The following ZNF420 variants were observed in gnomAD, a reference collection of about 807,000 sequenced individuals.
The protein encoded by ZNF420 is ATM and p53-associated KZNF protein.
ZNF420 carries 31 observed loss-of-function variants against 44.7 expected under a neutral mutation model. That is an observed-to-expected ratio of 0.69 (90% confidence interval 0.52 to 0.94). The LOEUF is 0.94. Among genes scored for constraint, ZNF420 ranks in the 40% least tolerant of loss-of-function variants. The pLI is 0.00. For missense variants in ZNF420, 681 were observed against 827.9 expected, an observed-to-expected ratio of 0.82 and a Z score of 2.18; for synonymous variants, 245 against 267.4, an observed-to-expected ratio of 0.92 and a Z score of 0.82.
intron 1 of ZNF420, among the ~76,000 whole-genome samples, chr19:37,015,180 T>G (rs2074600711): frequency 6.6e-6 from 1 of 152,224 alleles, no homozygotes; most frequent in African/African-American, 2.4e-5. Context: ...GAAACAAATG[T>G]GACTCGTGCG....
At chr19:37,121,288 T>C (rs1178678769) in intron 4 of ZNF420, among the ~76,000 whole-genome samples, 2 of 147,560 alleles carry the variant, frequency 1.4e-5, no homozygotes, top group South Asian at 2.2e-4. Flanking sequence ...TATAGATCAA[T>C]GGAACAGAAC....
At chr19:37,033,955 C>T (rs1967308039) in intron 1 of ZNF420, among the ~76,000 whole-genome samples, 1 of 152,094 alleles carries the variant, frequency 6.6e-6, no homozygotes, top group Non-Finnish European at 1.5e-5. Flanking sequence ...CGGTGTTTCA[C>T]CATGTTGTTC....
chr19:37,062,427 A>C (rs1383604430), intron 1 of ZNF420, among the ~76,000 whole-genome samples: 1 of 152,226 alleles, frequency 6.6e-6, no homozygotes, highest in Non-Finnish European at 1.5e-5. Flanking sequence ...GTGTCCATGA[A>C]AATCTTTTAT....
Position 37,128,302 on chromosome 19 carries a change from C to G in ZNF420, c.1311C>G (p.His437Gln). 1 of 1,611,240 alleles carries G rather than the reference C, an allele frequency of 6.2e-7. No homozygotes were observed. Among genetic ancestry groups the G allele is most frequent in the Non-Finnish European group, 8.5e-7 (1 of 1,179,180 alleles). The change falls in exon 5 of 5, where the codon CAC becomes CAG. Residue 437 changes from histidine (H) to glutamine (Q), a missense_variant. His to Gln is a conservative substitution (Grantham distance 24, BLOSUM62 0). Around this residue, in one of 3 missense-constraint regions of ZNF420, gnomAD observed 280 missense variants for 338.6 expected, o/e 0.83. Coordinates refer to ENST00000337995, the MANE Select transcript of ZNF420 (RefSeq NM_144689.5). The part of the protein sequence containing the change: ...AFNRGSLLTR[H>Q]QRIHTGEKPY... ...ATCGTGGCTCACTCCTTACACGACA[C>G]CAGAGGATTCATACTGGTGAGAAAC...
chr19:37,128,550 AAC>A lies in ZNF420; in HGVS notation c.1561_1562del (p.His521SerfsTer7). On this transcript the variant is annotated frameshift_variant, in exon 5 of 5. Transcript: ENST00000337995. LOFTEE classifies it high-confidence loss of function. ...TTTACTCAGAGTTCACATCTTTCCCAACATCAAAGACTTCACACTGGTGAGAA... is the reference window on the plus strand; with the variant it reads ...TTTACTCAGAGTTCACATCTTTCCCAATCAAAGACTTCACACTGGTGAGAA... The A allele has an allele frequency of 6.2e-7, 1 of 1,613,208 alleles. No homozygotes were observed. The highest frequency in any genetic ancestry group is 8.5e-7 in the Non-Finnish European group (1 of 1,179,732).
chr19:37,061,090 C>T (rs1967871401), intron 1 of ZNF420, among the ~76,000 whole-genome samples: 1 of 152,120 alleles, frequency 6.6e-6, no homozygotes, highest in Admixed American at 6.5e-5. Context: ...GTCACCTGTG[C>T]CCCCCTTCCT....
chr19:37,023,874 A>G (rs1016233329), intron 1 of ZNF420, among the ~76,000 whole-genome samples: 4 of 152,130 alleles, frequency 2.6e-5, no homozygotes, highest in African/African-American at 9.7e-5. Context: ...AGTGGTATAA[A>G]TACATTGACA....
chr19:37,030,190 C>CT (rs1967232143), intron 1 of ZNF420, among the ~76,000 whole-genome samples: 1 of 152,020 alleles, frequency 6.6e-6, no homozygotes, highest in Non-Finnish European at 1.5e-5. Flanking sequence ...GAGAGGGAGT[C>CT]TCGCTCTGTC....
intron 1 of ZNF420, among the ~76,000 whole-genome samples, chr19:37,059,693 G>T (rs1967834152): frequency 6.6e-6 from 1 of 152,178 alleles, no homozygotes; most frequent in South Asian, 2.1e-4. Context: ...CTCGTGGGCC[G>T]CCCTCTCACC....
In ZNF420 at chr19:37,130,091, CG is replaced by C. The variant is rs1483435427; in HGVS notation, c.*1034del. The C allele has an allele frequency of 4.0e-5, 62 of 1,550,156 alleles. No individual in the cohort carries two copies. The highest frequency in any genetic ancestry group is 4.8e-5 in the Non-Finnish European group (55 of 1,146,880). On this transcript the variant is annotated 3_prime_UTR_variant, in exon 5 of 5. Coordinates refer to ENST00000337995, the MANE Select transcript of ZNF420 (RefSeq NM_144689.5). The stretch of plus-strand genomic sequence containing the variant: ...GATATTTATATGAGTAGGAGATTTA[CG>C]AAATCCATTTTTCCTGTCTTTTTTT...
At chr19:37,052,647 C>G (rs1967660242) in intron 1 of ZNF420, among the ~76,000 whole-genome samples, 1 of 152,162 alleles carries the variant, frequency 6.6e-6, no homozygotes, top group Non-Finnish European at 1.5e-5. Context: ...ATATGAAATT[C>G]TGGGTTGGAA....
At chr19:37,016,201 A>C (rs2074607571) in intron 1 of ZNF420, among the ~76,000 whole-genome samples, 1 of 152,154 alleles carries the variant, frequency 6.6e-6, no homozygotes, top group Non-Finnish European at 1.5e-5. Context: ...TTGCCTTCTA[A>C]TCTAGGCTGT....
intron 4 of ZNF420, among the ~76,000 whole-genome samples, chr19:37,118,250 G>A (rs1427811482): frequency 6.6e-6 from 1 of 152,200 alleles, no homozygotes; most frequent in Non-Finnish European, 1.5e-5. Flanking sequence ...ACAAAGGGAA[G>A]CCCATCAGAC....
intron 4 of ZNF420, among the ~76,000 whole-genome samples, chr19:37,099,105 C>T (rs1196961780): frequency 6.6e-6 from 1 of 151,992 alleles, no homozygotes; most frequent in African/African-American, 2.4e-5. Context: ...AGTTCGAGTC[C>T]ATGTTATTGC....
intron 1 of ZNF420, among the ~76,000 whole-genome samples, chr19:37,041,268 G>A (rs1967447437): frequency 6.7e-6 from 1 of 148,786 alleles, no homozygotes; most frequent in Non-Finnish European, 1.5e-5. Context: ...CTGAGATCAT[G>A]CCACTGCACT....
intron 4 of ZNF420, among the ~76,000 whole-genome samples, chr19:37,116,138 G>A (rs1042083437): frequency 4.6e-5 from 7 of 152,134 alleles, no homozygotes; most frequent in Admixed American, 3.9e-4. Context: ...CACAGTAAGA[G>A]GCTGATCTCT....
At chr19:37,043,983 T>C (rs1967501609) in intron 1 of ZNF420, among the ~76,000 whole-genome samples, 1 of 152,232 alleles carries the variant, frequency 6.6e-6, no homozygotes, top group Non-Finnish European at 1.5e-5. Context: ...TAGCTGACCA[T>C]TGGACTGCGG....
chr19:37,099,528 T>G (rs1233938397), intron 4 of ZNF420, among the ~76,000 whole-genome samples: 1 of 152,208 alleles, frequency 6.6e-6, no homozygotes, highest in African/African-American at 2.4e-5. Context: ...GATTATTTGT[T>G]TTTTTGCTGT....
At chr19:37,110,534 G>A (rs886698268) in intron 4 of ZNF420, among the ~76,000 whole-genome samples, 1 of 152,116 alleles carries the variant, frequency 6.6e-6, no homozygotes, top group Non-Finnish European at 1.5e-5. Flanking sequence ...TATAAAATGG[G>A]AAATTTCTTT....
Sources: gnomAD v4.1 joint callset for allele counts (sites outside exome capture counted in the v4.1 genomes callset) on GRCh38, gnomAD v4.1.1 for gene constraint, gnomAD v4.1.1 regional missense constraint, MANE v1.5 for transcripts, NCBI Gene and HGNC (gene_info 2026-07-23, HGNC 2026-07-21) for gene names.